The following TRUB2 variants were observed in gnomAD, a reference collection of about 807,000 sequenced individuals.
TRUB2 encodes the protein pseudouridylate synthase TRUB2, mitochondrial.
TRUB2 carries 31 observed loss-of-function variants against 31.9 expected under a neutral mutation model. That is an observed-to-expected ratio of 0.97 (90% CI 0.73 to 1.31). The LOEUF is 1.31. Among genes scored for constraint, TRUB2 ranks in the 50% most tolerant of loss-of-function variants. The pLI is 0.00. For synonymous variants in TRUB2, 201 were observed against 182.6 expected (o/e 1.10, Z -0.81); for missense variants, 451 against 439.6 (o/e 1.03, Z -0.23).
rs748055638 is a variant in TRUB2 at position 128,317,120 on chromosome 9, C to T, written c.316+32G>A. 5.8e-6 allele frequency: 9 copies of T among 1,548,152 alleles called. No homozygotes were observed. The South Asian group carries it at 1.1e-4, about 18-fold the overall frequency. ...TTCAGGATCTTTTCTCAAGCCTTATCACTGTACCCCCAGGCTTCTCACATC... is the reference window on the plus strand; with the variant it reads ...TTCAGGATCTTTTCTCAAGCCTTATTACTGTACCCCCAGGCTTCTCACATC... On this transcript the variant is annotated intron_variant, in intron 3 of 7. Transcript: ENST00000372890.
At chr9:128,318,921 C>A (rs1269092533) in intron 2 of TRUB2, among the ~76,000 whole-genome samples, 1 of 152,056 alleles carries the variant, frequency 6.6e-6, no homozygotes, top group African/African-American at 2.4e-5. Flanking sequence ...AGGGCTCACG[C>A]TTATAATCCC....
In TRUB2 at chr9:128,322,340, C is replaced by A. The variant is rs1184062552; in HGVS notation, c.69G>T (p.Trp23Cys). Residue 23 changes from tryptophan to cysteine, a missense_variant, in exon 1 of 8, where the codon TGG becomes TGT. By Grantham distance (215) the Trp-to-Cys change is radical. Coordinates refer to ENST00000372890, the MANE Select transcript of TRUB2 (RefSeq NM_015679.3). ...FAVYKPPGLK[W>C]KHLRDTVELQ... ...GCTCCACTGTATCCCGCAGGTGCTT[C>A]CATTTTAGCCCCGGGGGCTTATAGA... 2.5e-6 allele frequency: 4 copies of A among 1,614,174 alleles called. No individual in the cohort carries two copies. In the South Asian group the frequency reaches 3.3e-5, roughly 13 times the overall value.
At chr9:128,316,988 C>T (rs1280112623) in intron 3 of TRUB2, 164 bp downstream of exon 3, 1 of 606,576 alleles carries the variant, frequency 1.6e-6, no homozygotes, top group South Asian at 2.0e-5. Context: ...TTACCTCCGT[C>T]CCACCTATCC....
rs890219873 is a variant in TRUB2, at chr9:128,307,894, CCT to C, written c.*1654_*1655del. 6.6e-6 allele frequency: 1 copy of C among 150,696 alleles called. No individual in the cohort carries two copies. The highest frequency in any genetic ancestry group is 1.5e-5 in the Non-Finnish European group (1 of 67,604). The allele number at this position is 150,696 out of a possible 1,614,324, so 9.3% of individuals were successfully genotyped here. ...TCCAGCCTGGGTGACAGAGCAAGAC[CCT>C]GTCTAAAAAACAAAAACAGGCCGGG... On this transcript the variant is annotated 3_prime_UTR_variant, in exon 8 of 8. Transcript: ENST00000372890.
chr9:128,316,775 G>A (rs959923140), intron 3 of TRUB2: 2 of 192,470 alleles, frequency 1.0e-5, no homozygotes, highest in African/African-American at 4.7e-5. Flanking sequence ...TGCAATGATG[G>A]TTTTCCTTCT....
chr9:128,321,804 G>C, intron 1 of TRUB2, 74 bp from the exon 2 acceptor site: 1 of 1,476,760 alleles, frequency 6.8e-7, no homozygotes, highest in Non-Finnish European at 9.1e-7. Flanking sequence ...TTAAGAGACA[G>C]GGCCTCGTTC....
rs1284971844 is a variant in TRUB2 at position 128,306,944 on chromosome 9, C to T, written c.*2606G>A. 1 of 151,982 alleles carries T rather than the reference C, an allele frequency of 6.6e-6. No homozygotes were observed. Among genetic ancestry groups the T allele is most frequent in the African/African-American group, 2.4e-5 (1 of 41,406 alleles). 9.4% of individuals were successfully genotyped at this position (151,982 alleles called of 1,614,324 possible). A position where few individuals can be genotyped will look rare whatever the true frequency, so the allele number is the denominator to read the frequency against. ...AGAGACAGGGTTTCACTATGTTGGC[C>T]AGGCTGGTCTTGAACTCCTGATCTC... On this transcript the variant is annotated 3_prime_UTR_variant, in exon 8 of 8. Transcript: ENST00000372890.
intron 4 of TRUB2, among the ~76,000 whole-genome samples, chr9:128,314,279 C>A (rs991888819): frequency 6.6e-6 from 1 of 152,176 alleles, no homozygotes; most frequent in Admixed American, 6.5e-5. Flanking sequence ...CCTGTGGCCA[C>A]CCCAGGCCTC....
chr9:128,316,960 TGTG>T (rs1396917936), intron 3 of TRUB2, 189 bp downstream of exon 3: 1 of 563,322 alleles, frequency 1.8e-6, no homozygotes, highest in Middle Eastern at 4.7e-4. Context: ...GGTGGGTGAC[TGTG>T]GTATTAACCT....
chr9:128,312,616 T>TTA (rs1491157925), intron 5 of TRUB2, among the ~76,000 whole-genome samples: 3 of 137,370 alleles, frequency 2.2e-5, no homozygotes, highest in African/African-American at 5.5e-5. Flanking sequence ...ATTATTATTA[T>TTA]TTTTTTTTTT....
intron 1 of TRUB2, 50 bp from the exon 2 acceptor site, chr9:128,321,780 A>T (rs1832185368): frequency 6.6e-7 from 1 of 1,525,318 alleles, no homozygotes; most frequent in African/African-American, 1.4e-5. Context: ...ATATATGTAC[A>T]TATAAAATAT....
chr9:128,315,517 C>A, intron 4 of TRUB2, 50 bp downstream of exon 4: 3 of 1,577,702 alleles, frequency 1.9e-6, no homozygotes, highest in Non-Finnish European at 2.6e-6. Flanking sequence ...CTGCTGGTGA[C>A]CCCCAGGAAA....
At chr9:128,319,042 C>A (rs772053131) in intron 2 of TRUB2, among the ~76,000 whole-genome samples, 28 of 151,686 alleles carry the variant, frequency 1.8e-4, no homozygotes, top group Admixed American at 3.3e-4. Context: ...ATTAGCCAGG[C>A]ATGGCCGGGC....
chr9:128,312,592 G>A (rs1034096834), intron 5 of TRUB2, among the ~76,000 whole-genome samples: 7 of 151,428 alleles, frequency 4.6e-5, no homozygotes, highest in East Asian at 1.9e-4. Flanking sequence ...TACCATGCCC[G>A]GCTAATTTTT....
At chr9:128,313,910 A>T in intron 4 of TRUB2, 21 bp from the exon 5 acceptor site, 1 of 1,611,674 alleles carries the variant, frequency 6.2e-7, no homozygotes, top group African/African-American at 1.3e-5. Context: ...AGGGAGGTAA[A>T]GATCCGTCAG....
At chr9:128,315,786 C>A in intron 3 of TRUB2, 158 bp from the exon 4 acceptor site, 2 of 734,754 alleles carry the variant, frequency 2.7e-6, no homozygotes, top group Non-Finnish European at 4.6e-6. Flanking sequence ...GTGCACCCCT[C>A]TGGGTATATA....
chr9:128,321,381 G>C (rs980886750), intron 2 of TRUB2, among the ~76,000 whole-genome samples: 9 of 152,252 alleles, frequency 5.9e-5, no homozygotes, highest in Admixed American at 4.6e-4. Flanking sequence ...GCACTACATT[G>C]GCAGAGTTGA....
rs750135139 is a variant in TRUB2, at chr9:128,309,872, A to G, written c.674T>C (p.Val225Ala). 14 of 1,612,854 alleles carry G rather than the reference A, an allele frequency of 8.7e-6. No homozygotes were observed. The highest frequency in any genetic ancestry group is 1.2e-5 in the Non-Finnish European group (14 of 1,179,176). Residue 225 changes from valine (V) to alanine (A), a missense_variant, in exon 8 of 8, where the codon GTG becomes GCG. Val to Ala is a moderately conservative substitution (Grantham distance 64). Coordinates refer to ENST00000372890, the MANE Select transcript of TRUB2 (RefSeq NM_015679.3). ...YFAPPEFLLE[V>A]QCMHETQKEL... The stretch of plus-strand genomic sequence containing the variant: ...TTTCTGCGTCTCATGCATGCACTGC[A>G]CCTCTGCCAGGGACACACAATGACA...
chr9:128,311,315 A>G, intron 6 of TRUB2: 1 of 630,994 alleles, frequency 1.6e-6, no homozygotes, highest in South Asian at 1.9e-5. Context: ...TCAGCAGGAC[A>G]GCTTGGTTCT....
Sources: gnomAD v4.1 joint callset for allele counts (sites outside exome capture counted in the v4.1 genomes callset) on GRCh38, gnomAD v4.1.1 for gene constraint, MANE v1.5 for transcripts, NCBI Gene and HGNC (gene_info 2026-07-23, HGNC 2026-07-21) for gene names.